Variants in GJB7 observed in about 807,000 individuals in gnomAD.
GJB7 encodes gap junction protein beta 7.
For missense variants in GJB7, 253 were observed against 256.8 expected (o/e 0.99, Z 0.10); for synonymous variants, 87 against 95.2 (o/e 0.91, Z 0.50).
intron 2 of GJB7, among the ~76,000 whole-genome samples, chr6:87,309,538 G>A (rs1411990000): frequency 2.0e-5 from 3 of 152,144 alleles, no homozygotes; most frequent in Non-Finnish European, 1.5e-5. Flanking sequence ...AGTCTCTTCC[G>A]TGGTGAGCAG....
At chr6:87,325,973 C>T (rs199760677) in intron 1 of GJB7, among the ~76,000 whole-genome samples, 1 of 151,864 alleles carries the variant, frequency 6.6e-6, no homozygotes, top group Non-Finnish European at 1.5e-5. Flanking sequence ...AGAGATTCAA[C>T]TTCTTCCTAG....
At chr6:87,306,006 C>T (rs1418145129) in intron 2 of GJB7, among the ~76,000 whole-genome samples, 1 of 151,848 alleles carries the variant, frequency 6.6e-6, no homozygotes, top group Non-Finnish European at 1.5e-5. Context: ...CCCTTCCTTA[C>T]ACCTTATACA....
At chr6:87,327,196 A>G (rs1173648872) in intron 1 of GJB7, among the ~76,000 whole-genome samples, 1 of 149,236 alleles carries the variant, frequency 6.7e-6, no homozygotes, top group Non-Finnish European at 1.5e-5. Context: ...AATACAGCAC[A>G]CTGATGGGTC....
rs1776035271 is a variant in GJB7, at chr6:87,284,916, TTAGGC to T, written c.-9_-5del. 6.2e-7 allele frequency: 1 copy of T among 1,606,182 alleles called. No homozygotes were observed. The highest frequency in any genetic ancestry group is 1.3e-5 in the African/African-American group (1 of 74,696). ...CTCTGAGGAACATCCAACTCATGAC[TTAGGC>T]TCAAAAGAAGGCAAGACTCTGCAAA... On this transcript the variant is annotated 5_prime_UTR_variant, in exon 3 of 3. Transcript: ENST00000525899.
At chr6:87,310,214 G>C (rs953735822) in intron 2 of GJB7, among the ~76,000 whole-genome samples, 1 of 152,020 alleles carries the variant, frequency 6.6e-6, no homozygotes, top group Non-Finnish European at 1.5e-5. Flanking sequence ...CTAGATTTTA[G>C]AATATAACAA....
intron 2 of GJB7, among the ~76,000 whole-genome samples, chr6:87,309,065 T>C (rs1182420896): frequency 6.6e-6 from 1 of 152,212 alleles, no homozygotes; most frequent in Non-Finnish European, 1.5e-5. Context: ...ATGTTTCCGA[T>C]TGGCATGGAC....
intron 2 of GJB7, among the ~76,000 whole-genome samples, chr6:87,302,194 T>G (rs1776340674): frequency 6.6e-6 from 1 of 151,540 alleles, no homozygotes; most frequent in African/African-American, 2.4e-5. Flanking sequence ...CTTTGACGAG[T>G]TGAGAGAAGA....
At chr6:87,318,029 T>C (rs1200149874) in intron 2 of GJB7, among the ~76,000 whole-genome samples, 3 of 151,758 alleles carry the variant, frequency 2.0e-5, no homozygotes, top group South Asian at 4.1e-4. Context: ...TGACCTGACA[T>C]GAAAAGTATT....
At chr6:87,323,656 T>C (rs1776731809) in intron 1 of GJB7, among the ~76,000 whole-genome samples, 1 of 152,162 alleles carries the variant, frequency 6.6e-6, no homozygotes, top group Admixed American at 6.5e-5. Flanking sequence ...TGCCACATTT[T>C]CTTAATCCAG....
At chr6:87,309,008 T>G (rs1776474187) in intron 2 of GJB7, among the ~76,000 whole-genome samples, 1 of 152,230 alleles carries the variant, frequency 6.6e-6, no homozygotes, top group Non-Finnish European at 1.5e-5. Context: ...TCATCTGTAA[T>G]GAATACTGGA....
At chr6:87,321,787 G>C (rs984462885) in intron 2 of GJB7, among the ~76,000 whole-genome samples, 3 of 152,162 alleles carry the variant, frequency 2.0e-5, no homozygotes, top group Non-Finnish European at 4.4e-5. Context: ...AGAGGCCTCA[G>C]GAAACTTACA....
Position 87,284,904 on chromosome 6 carries a change from C to A in GJB7, c.9G>T (p.Trp3Cys), listed in dbSNP as rs753977503. The A allele has an allele frequency of 1.2e-6, 2 of 1,610,470 alleles. No homozygotes were observed. Among genetic ancestry groups the A allele is most frequent in the African/African-American group, 2.7e-5 (2 of 74,862 alleles). ...CACTCAGGAGATCTCTGAGGAACAT[C>A]CAACTCATGACTTAGGCTCAAAAGA... MS[W>C]MFLRDLLSGV... Residue 3 changes from tryptophan to cysteine, a missense_variant, in exon 3 of 3, where the codon TGG becomes TGT. Physicochemically the swap from Trp to Cys is radical, Grantham distance 215. Transcript: ENST00000525899.
At chr6:87,302,283 A>C (rs1776343124) in intron 2 of GJB7, among the ~76,000 whole-genome samples, 1 of 152,190 alleles carries the variant, frequency 6.6e-6, no homozygotes. Context: ...GCCTTGAAAA[A>C]AAATTAGATG....
At chr6:87,296,459 A>T (rs777870235) in intron 2 of GJB7, among the ~76,000 whole-genome samples, 11 of 152,242 alleles carry the variant, frequency 7.2e-5, no homozygotes, top group Non-Finnish European at 1.5e-4. Flanking sequence ...ATATGGACAT[A>T]AGTAATGATC....
intron 2 of GJB7, among the ~76,000 whole-genome samples, chr6:87,288,809 T>C (rs1432959854): frequency 1.3e-5 from 2 of 152,198 alleles, no homozygotes; most frequent in Non-Finnish European, 2.9e-5. Context: ...AACTTTTCAC[T>C]CTTTTCATCT....
chr6:87,323,191 T>C (rs190471537), intron 1 of GJB7, 148 bp from the exon 2 acceptor site: 13 of 152,372 alleles, frequency 8.5e-5, no homozygotes, highest in South Asian at 2.1e-4. Context: ...GTACTCAGGC[T>C]GTCGCCAGCA....
chr6:87,316,774 C>T (rs1776590429), intron 2 of GJB7, among the ~76,000 whole-genome samples: 1 of 152,166 alleles, frequency 6.6e-6, no homozygotes, highest in African/African-American at 2.4e-5. Context: ...CCTGGACTGG[C>T]CCCATCTGTT....
chr6:87,323,477 A>G (rs1224323393), intron 1 of GJB7, among the ~76,000 whole-genome samples: 4 of 127,966 alleles, frequency 3.1e-5, no homozygotes, highest in Non-Finnish European at 6.2e-5. Context: ...TCCTGTGTCC[A>G]TGTGTTCCCA....
At position 87,306,541 on chromosome 6, in the gene GJB7, C is replaced by A. The variant is rs375687550; in HGVS notation, c.-28+16325G>T. ...CAGGAAACAACAGGTGCTGGAGAGG[C>A]TGTGGAGAAATAGGAACACTTTTAC... On this transcript the variant is annotated intron_variant, in intron 2 of 2. Transcript: ENST00000525899. Among the ~76,000 whole-genome samples, 7 of 152,166 alleles carry A rather than the reference C, an allele frequency of 4.6e-5. No individual in the cohort carries two copies. The East Asian group carries it at 5.8e-4, about 13-fold the overall frequency.
Sources: gnomAD v4.1 joint callset for allele counts (sites outside exome capture counted in the v4.1 genomes callset) on GRCh38, gnomAD v4.1.1 for gene constraint, MANE v1.5 for transcripts, NCBI Gene and HGNC (gene_info 2026-07-23, HGNC 2026-07-21) for gene names.